Variants in SYT17 observed in about 807,000 individuals in gnomAD.
The protein encoded by SYT17 is synaptotagmin-17.
A neutral mutation model predicts 46.7 loss-of-function variants in SYT17; 22 were observed. The ratio of observed to expected loss-of-function variants is 0.47; its 90% CI spans 0.34 to 0.67. SYT17 has a LOEUF of 0.67. SYT17 is among the 30% of genes least tolerant of loss of function. SYT17 has a pLI of 0.01. For missense variants in SYT17, 519 were observed against 612.8 expected (o/e 0.85, Z 1.62); for synonymous variants, 251 against 248.4 (o/e 1.01, Z -0.10).
intron 5 of SYT17, among the ~76,000 whole-genome samples, chr16:19,218,957 A>G (rs79541473): frequency 0.047 from 7,075 of 152,036 alleles, 534 homozygotes; most frequent in African/African-American, 0.16. Context: ...TTCCTCTTCA[A>G]ACCTCGCCTC....
intron 7 of SYT17, among the ~76,000 whole-genome samples, chr16:19,235,854 G>A (rs139200759): frequency 6.6e-6 from 1 of 152,332 alleles, no homozygotes; most frequent in African/African-American, 2.4e-5. Context: ...GAAGGTGTTA[G>A]TGGGCTCGAA....
chr16:19,266,973 G>A lies in SYT17; in HGVS notation c.1322G>A (p.Arg441Lys), dbSNP rs1969405470. 1 of 1,613,940 alleles carries A rather than the reference G, an allele frequency of 6.2e-7. No individual in the cohort carries two copies. Among genetic ancestry groups the A allele is most frequent in the Non-Finnish European group, 8.5e-7 (1 of 1,180,006 alleles). Residue 441 changes from arginine (R) to lysine (K), a missense_variant, in exon 8 of 8, where the codon AGG becomes AAG. Arg to Lys is a conservative substitution (Grantham distance 26). Coordinates refer to ENST00000355377, the MANE Select transcript of SYT17 (RefSeq NM_016524.4). ...SSGPSETNHW[R>K]RMLNTHRTAV... ...GGCCCCTCTGAGACCAACCACTGGA[G>A]GCGCATGCTCAACACGCACCGCACA...
chr16:19,211,078 G>A (rs1384269876), intron 5 of SYT17: 2 of 207,790 alleles, frequency 9.6e-6, no homozygotes, highest in Non-Finnish European at 1.9e-5. Context: ...GCCGGCTGCT[G>A]GATTCATCTG....
intron 7 of SYT17, 70 bp downstream of exon 7, chr16:19,224,908 G>T: frequency 1.3e-6 from 2 of 1,548,288 alleles, no homozygotes; most frequent in Non-Finnish European, 1.8e-6. Context: ...AGAGCCAGAA[G>T]GCATCTAGAG....
chr16:19,180,332 A>C, intron 3 of SYT17, 59 bp from the exon 4 acceptor site: 3 of 1,583,626 alleles, frequency 1.9e-6, no homozygotes, highest in Non-Finnish European at 2.6e-6. Context: ...CCCAAGGGAC[A>C]GAGATGCCAG....
At chr16:19,243,794 G>C (rs1443587800) in intron 7 of SYT17, among the ~76,000 whole-genome samples, 1 of 135,914 alleles carries the variant, frequency 7.4e-6, no homozygotes, top group Non-Finnish European at 1.5e-5. Context: ...CTCCAGCCTG[G>C]GCAACAAGAG....
intron 4 of SYT17, among the ~76,000 whole-genome samples, chr16:19,181,770 C>T (rs571272651): frequency 2.6e-4 from 39 of 151,144 alleles, no homozygotes; most frequent in Non-Finnish European, 4.4e-4. Context: ...GAGGCCGAGG[C>T]GGGAGGATCA....
chr16:19,236,810 A>T (rs1005563826), intron 7 of SYT17, among the ~76,000 whole-genome samples: 2 of 152,182 alleles, frequency 1.3e-5, no homozygotes, highest in Non-Finnish European at 2.9e-5. Context: ...CGCCTTTGGC[A>T]TCCAGAGATT....
intron 5 of SYT17, among the ~76,000 whole-genome samples, chr16:19,219,621 A>G (rs921968947): frequency 1.3e-5 from 2 of 152,116 alleles, no homozygotes; most frequent in African/African-American, 4.8e-5. Flanking sequence ...CTGCTACCAC[A>G]ATCAAGATAT....
intron 4 of SYT17, among the ~76,000 whole-genome samples, chr16:19,182,887 G>C (rs1964613995): frequency 6.6e-6 from 1 of 152,190 alleles, no homozygotes; most frequent in Admixed American, 6.5e-5. Flanking sequence ...TCATGCCCTG[G>C]CTCAGTGAAT....
chr16:19,221,265 A>C (rs1966308733), intron 5 of SYT17, among the ~76,000 whole-genome samples: 1 of 151,898 alleles, frequency 6.6e-6, no homozygotes, highest in Non-Finnish European at 1.5e-5. Flanking sequence ...CTTTGCAGAA[A>C]CTGGATTTTA....
chr16:19,180,676 A>C, intron 4 of SYT17, 137 bp downstream of exon 4: 4 of 1,011,324 alleles, frequency 4.0e-6, no homozygotes, highest in South Asian at 1.5e-5. Flanking sequence ...ACAGGGCGAG[A>C]GAGAGATAAT....
intron 7 of SYT17, among the ~76,000 whole-genome samples, chr16:19,231,641 T>G (rs1327333024): frequency 3.0e-5 from 4 of 133,608 alleles, no homozygotes; most frequent in South Asian, 2.5e-4. Flanking sequence ...GGAAGGCAGG[T>G]GGAGGAACTG....
At chr16:19,254,127 G>C (rs938972425) in intron 7 of SYT17, among the ~76,000 whole-genome samples, 2 of 152,168 alleles carry the variant, frequency 1.3e-5, no homozygotes, top group African/African-American at 2.4e-5. Context: ...TGTGGGATGG[G>C]ACTAAGTTGT....
chr16:19,224,859 C>T (rs2072076), intron 7 of SYT17, 21 bp downstream of exon 7: 623,319 of 1,611,694 alleles, frequency 0.39, 128,577 homozygotes, highest in African/African-American at 0.75. Context: ...TTCCAAAACC[C>T]GATGAACTCC....
At position 19,256,556 on chromosome 16, in the gene SYT17, C is replaced by CTATTATTAT. The variant is rs66644033; in HGVS notation, c.1229-10292_1229-10284dup. ...CAAGGGAAGTAGGAAATGGGTGAGT[C>CTATTATTAT]TATTATTATTATTATTATTATTATT... On this transcript the variant is annotated intron_variant, in intron 7 of 7. Coordinates refer to ENST00000355377, the MANE Select transcript of SYT17 (RefSeq NM_016524.4). 1.1e-3 allele frequency among the ~76,000 whole-genome samples: 166 copies of CTATTATTAT among 145,014 alleles called. 1 individual carries two copies. Among genetic ancestry groups the CTATTATTAT allele is most frequent in the African/African-American group, 4.1e-3 (158 of 38,678 alleles).
chr16:19,233,121 G>A (rs929125925), intron 7 of SYT17, among the ~76,000 whole-genome samples: 9 of 152,210 alleles, frequency 5.9e-5, no homozygotes, highest in African/African-American at 2.2e-4. Flanking sequence ...TCGCCCTGCT[G>A]TCTGTCTGGA....
intron 7 of SYT17, among the ~76,000 whole-genome samples, chr16:19,242,392 G>A (rs927898539): frequency 6.6e-6 from 1 of 152,190 alleles, no homozygotes; most frequent in Non-Finnish European, 1.5e-5. Context: ...GCAGGAATGA[G>A]CTTATTTTGT....
chr16:19,182,791 T>G (rs891199936), intron 4 of SYT17, among the ~76,000 whole-genome samples: 1 of 152,238 alleles, frequency 6.6e-6, no homozygotes, highest in African/African-American at 2.4e-5. Context: ...CCGTAAGCGG[T>G]GAGGTTTGAA....
Sources: allele counts gnomAD v4.1 joint callset (sites outside exome capture counted in the v4.1 genomes callset), GRCh38; gene constraint gnomAD v4.1.1; transcripts MANE v1.5; gene names NCBI Gene and HGNC (gene_info 2026-07-23, HGNC 2026-07-21).